Variants in SMARCA5 observed in about 807,000 individuals in gnomAD.
The protein encoded by SMARCA5 is SWI/SNF-related matrix-associated actin-dependent regulator of chromatin subfamily A member 5.
In SMARCA5, 18 loss-of-function variants were observed where a neutral mutation model predicts 140.4. The ratio of observed to expected loss-of-function variants is 0.13; its 90% CI spans 0.09 to 0.19. The LOEUF is 0.19. Ranked by LOEUF, SMARCA5 falls within the 10% of genes least tolerant of loss-of-function variation. The pLI, the probability that SMARCA5 is intolerant of heterozygous loss-of-function variation, is 1.00. For missense variants in SMARCA5, 606 were observed against 1,276.8 expected (o/e 0.47, Z 8.01); for synonymous variants, 449 against 419.6 (o/e 1.07, Z -0.86).
At position 143,514,117 on chromosome 4, in the gene SMARCA5, G is replaced by T. The variant is rs1311457911; in HGVS notation, c.177+16G>T. 6.6e-7 allele frequency: 1 copy of T among 1,519,304 alleles called. No individual in the cohort carries two copies. The highest frequency in any genetic ancestry group is 8.8e-7 in the Non-Finnish European group (1 of 1,140,608). 94.1% of individuals were successfully genotyped at this position (1,519,304 alleles called of 1,614,324 possible). A position where few individuals can be genotyped will look rare whatever the true frequency, so the allele number is the denominator to read the frequency against. Reference sequence around the variant, plus strand: ...CGAGATGGAGGTGAGGGCGACTTGCGGCATGGGGAGCGGGTGCAGCGGGGA... The same window carrying T: ...CGAGATGGAGGTGAGGGCGACTTGCTGCATGGGGAGCGGGTGCAGCGGGGA... On this transcript the variant is annotated intron_variant, in intron 1 of 23. Transcript: ENST00000283131.
At position 143,543,436 on chromosome 4, in the gene SMARCA5, ACAT is replaced by A. The variant is rs1369789050; in HGVS notation, c.1904-72_1904-70del. On this transcript the variant is annotated intron_variant, in intron 14 of 23. Coordinates refer to ENST00000283131, the MANE Select transcript of SMARCA5 (RefSeq NM_003601.4). Reference sequence around the variant, plus strand: ...ATAAAATTATAAAGCATTAAACCTTACATTTAAAGTTTCAAGTTTCCAGTAAAA... The same window carrying A: ...ATAAAATTATAAAGCATTAAACCTTATTAAAGTTTCAAGTTTCCAGTAAAA... 4 of 1,195,668 alleles carry A rather than the reference ACAT, an allele frequency of 3.3e-6. No individual in the cohort carries two copies. The African/African-American group carries it at 6.2e-5, about 18-fold the overall frequency. The allele number at this position is 1,195,668 out of a possible 1,614,324, so 74.1% of individuals were successfully genotyped here.
chr4:143,538,053 T>C (rs756689868), intron 11 of SMARCA5, among the ~76,000 whole-genome samples: 1 of 152,216 alleles, frequency 6.6e-6, no homozygotes, highest in Non-Finnish European at 1.5e-5. Flanking sequence ...TGTCTTGATA[T>C]ATTCTACTGA....
chr4:143,517,597 A>G (rs1461851786), intron 2 of SMARCA5, among the ~76,000 whole-genome samples, 168 bp downstream of exon 2: 1 of 152,208 alleles, frequency 6.6e-6, no homozygotes, highest in African/African-American at 2.4e-5. Context: ...TGGCAAGTCC[A>G]AGGTCAAGGC....
intron 9 of SMARCA5, 116 bp downstream of exon 9, chr4:143,530,642 G>A: frequency 1.6e-6 from 1 of 642,238 alleles, no homozygotes; most frequent in Non-Finnish European, 2.7e-6. Flanking sequence ...AATCAGATCT[G>A]CTTGAATTCT....
rs775175722 is a variant in SMARCA5, at chr4:143,524,486, AT to A, written c.520+26del. Reference sequence around the variant, plus strand: ...CCATCGTGTATGTTAAACACACTTGATTTTTTTAAAAAATTGCCCTTTGAGA... The same window carrying A: ...CCATCGTGTATGTTAAACACACTTGATTTTTTAAAAAATTGCCCTTTGAGA... On this transcript the variant is annotated intron_variant, in intron 4 of 23. Transcript: ENST00000283131. 7.8e-6 allele frequency: 12 copies of A among 1,546,266 alleles called. No homozygotes were observed. Among genetic ancestry groups the A allele is most frequent in the Non-Finnish European group, 9.8e-6 (11 of 1,126,032 alleles).
intron 23 of SMARCA5, among the ~76,000 whole-genome samples, chr4:143,551,157 C>T (rs1176173275): frequency 6.6e-6 from 1 of 151,996 alleles, no homozygotes; most frequent in Non-Finnish European, 1.5e-5. Context: ...CTCTGATGAT[C>T]AGTGATACTG....
At chr4:143,514,756 G>T (rs1265103993) in intron 1 of SMARCA5, 1 of 152,220 alleles carries the variant, frequency 6.6e-6, no homozygotes, top group Non-Finnish European at 1.5e-5. Flanking sequence ...CAGCTGTCTC[G>T]GATCCCCCGT....
At chr4:143,547,753 TAATA>T (rs1230437008) in intron 21 of SMARCA5, among the ~76,000 whole-genome samples, 171 bp from the exon 22 acceptor site, 2 of 152,042 alleles carry the variant, frequency 1.3e-5, no homozygotes, top group South Asian at 2.1e-4. Flanking sequence ...CTCTTTATAA[TAATA>T]AAGACTATAA....
At chr4:143,530,639 T>C in intron 9 of SMARCA5, 113 bp downstream of exon 9, 1 of 656,348 alleles carries the variant, frequency 1.5e-6, no homozygotes, top group Non-Finnish European at 2.6e-6. Flanking sequence ...AAGAATCAGA[T>C]CTGCTTGAAT....
chr4:143,551,853 C>CTAGTTT (rs1737647120), intron 23 of SMARCA5, among the ~76,000 whole-genome samples: 1 of 151,996 alleles, frequency 6.6e-6, no homozygotes, highest in South Asian at 2.1e-4. Flanking sequence ...TGTGATTCTT[C>CTAGTTT]CAGTTTTATT....
chr4:143,522,713 C>G (rs1405166177), intron 3 of SMARCA5, among the ~76,000 whole-genome samples: 8 of 152,126 alleles, frequency 5.3e-5, no homozygotes, highest in African/African-American at 1.9e-4. Flanking sequence ...AGTGTCATGG[C>G]ATGAAACTGG....
At chr4:143,537,121 CTTTT>C (rs35472711) in intron 11 of SMARCA5, among the ~76,000 whole-genome samples, 17 of 152,028 alleles carry the variant, frequency 1.1e-4, no homozygotes, top group Admixed American at 2.0e-4. Flanking sequence ...AGTATGCTGA[CTTTT>C]TTTATGAAAA....
chr4:143,526,511 C>G, intron 6 of SMARCA5, 51 bp downstream of exon 6: 1 of 1,291,904 alleles, frequency 7.7e-7, no homozygotes, highest in Non-Finnish European at 1.1e-6. Context: ...AATTTGAATT[C>G]AGGCTTGGGT....
rs1736750176 is a variant in SMARCA5, at chr4:143,513,753, G to C, written c.-172G>C. ...AGAGCAGAACGTTTGGGAGTGTGCA[G>C]CTCCTGGGCCCGGCTCAGGCCCGTC... On this transcript the variant is annotated 5_prime_UTR_variant, in exon 1 of 24. Transcript: ENST00000283131. 1.5e-6 allele frequency: 1 copy of C among 683,326 alleles called. No homozygotes were observed. Among genetic ancestry groups the C allele is most frequent in the East Asian group, 2.9e-5 (1 of 34,678 alleles). The allele number at this position is 683,326 out of a possible 1,614,324, so 42.3% of individuals were successfully genotyped here.
At chr4:143,538,993 C>A in intron 13 of SMARCA5, 55 bp downstream of exon 13, 2 of 1,448,648 alleles carry the variant, frequency 1.4e-6, no homozygotes, top group Non-Finnish European at 1.9e-6. Flanking sequence ...TTAGTTAGGA[C>A]AGGCTAATTC....
In SMARCA5 at chr4:143,514,073, G is replaced by A; in HGVS notation, c.149G>A (p.Ser50Asn). 6.4e-7 allele frequency: 1 copy of A among 1,559,166 alleles called. No homozygotes were observed. Among genetic ancestry groups the A allele is most frequent in the Non-Finnish European group, 8.6e-7 (1 of 1,160,962 alleles). The change falls in exon 1 of 24, where the codon AGC (serine) becomes AAC (asparagine). Residue 50 changes from serine to asparagine, a missense_variant. Around this residue, in one of 10 missense-constraint regions of SMARCA5, gnomAD observed 164 missense variants for 128.4 expected, o/e 1.28. Transcript: ENST00000283131. ...VAAQAVASAA[S>N]AGPADAEMEE... Reference sequence around the variant, plus strand: ...GCGCAGGCGGTTGCGTCTGCGGCCAGCGCTGGTCCCGCAGACGCCGAGATG... The same window carrying A: ...GCGCAGGCGGTTGCGTCTGCGGCCAACGCTGGTCCCGCAGACGCCGAGATG...
At chr4:143,537,691 G>C (rs1737341660) in intron 11 of SMARCA5, among the ~76,000 whole-genome samples, 1 of 152,052 alleles carries the variant, frequency 6.6e-6, no homozygotes, top group South Asian at 2.1e-4. Context: ...GAGGTGGGCA[G>C]ATCACCTAAG....
chr4:143,530,783 GGAA>G (rs1737167616), intron 9 of SMARCA5, among the ~76,000 whole-genome samples: 2 of 152,030 alleles, frequency 1.3e-5, no homozygotes, highest in East Asian at 1.9e-4. Context: ...TACAGTGGGG[GGAA>G]GAAGAATTGC....
intron 9 of SMARCA5, among the ~76,000 whole-genome samples, chr4:143,532,205 T>G (rs1737201087): frequency 6.6e-6 from 1 of 152,248 alleles, no homozygotes; most frequent in African/African-American, 2.4e-5. Flanking sequence ...ATTTCCTAGC[T>G]ACCTTTGTTT....
Sources: gnomAD v4.1 joint callset for allele counts (sites outside exome capture counted in the v4.1 genomes callset) on GRCh38, gnomAD v4.1.1 for gene constraint, gnomAD v4.1.1 regional missense constraint, MANE v1.5 for transcripts, NCBI Gene and HGNC (gene_info 2026-07-23, HGNC 2026-07-21) for gene names.